AOPEP: variants seen among roughly 807,000 people sequenced by gnomAD.
AOPEP encodes aminopeptidase O.
A neutral mutation model predicts 98.1 loss-of-function variants in AOPEP; 77 were observed. The observed-to-expected ratio is 0.78, with a 90% CI of 0.65 to 0.95. The LOEUF (loss-of-function observed/expected upper bound fraction) is 0.95, where lower values mean the gene tolerates loss of function less well. Among genes scored for constraint, AOPEP ranks in the 40% least tolerant of loss-of-function variants. AOPEP has a pLI of 0.00. For missense variants in AOPEP, 1,024 were observed against 1,024.7 expected, an observed-to-expected ratio of 1.00 and a Z score of 0.01; for synonymous variants, 346 against 365.3, an observed-to-expected ratio of 0.95 and a Z score of 0.60.
intron 13 of AOPEP, among the ~76,000 whole-genome samples, chr9:95,050,964 A>G (rs1487796239): frequency 6.6e-6 from 1 of 152,026 alleles, no homozygotes; most frequent in Non-Finnish European, 1.5e-5. Context: ...GTGTGTCCAT[A>G]CTTGAATCAC....
At chr9:95,120,812 CATT>C in the AOPEP span, among the ~76,000 whole-genome samples, 17 of 152,210 alleles carry the variant, frequency 1.1e-4, no homozygotes, top group African/African-American at 4.1e-4. Context: ...AAATTAATGT[CATT>C]GTTGGTAGTT....
chr9:94,850,843 A>C (rs2043464480), intron 5 of AOPEP, among the ~76,000 whole-genome samples: 1 of 152,182 alleles, frequency 6.6e-6, no homozygotes, highest in South Asian at 2.1e-4. Flanking sequence ...CTTGCCAAAG[A>C]TTGGGTTAGG....
At chr9:94,920,505 C>T (rs1184833348) in intron 5 of AOPEP, among the ~76,000 whole-genome samples, 3 of 152,132 alleles carry the variant, frequency 2.0e-5, no homozygotes, top group African/African-American at 7.2e-5. Flanking sequence ...CCAGGGCCGC[C>T]AAGTGCTGGG....
chr9:95,110,303 T>A, the AOPEP span: 27 of 1,014,536 alleles, frequency 2.7e-5, no homozygotes, highest in Non-Finnish European at 3.1e-5. Flanking sequence ...TGTGATGGAA[T>A]TGAACACATA....
At chr9:95,085,869 C>G in intron 16 of AOPEP, 2 of 1,184,750 alleles carry the variant, frequency 1.7e-6, no homozygotes, top group Non-Finnish European at 1.1e-6. Flanking sequence ...CGGGGCGGGG[C>G]GGGGCTTTCG....
the AOPEP span, among the ~76,000 whole-genome samples, chr9:95,124,581 C>T: frequency 3.7e-3 from 568 of 152,302 alleles, 2 homozygotes; most frequent in African/African-American, 0.013. Flanking sequence ...TCAAGCCTTT[C>T]CCAGTCACTC....
At chr9:94,794,572 T>G (rs558686979) in intron 4 of AOPEP, among the ~76,000 whole-genome samples, 5 of 152,350 alleles carry the variant, frequency 3.3e-5, no homozygotes, top group African/African-American at 1.2e-4. Context: ...CATTTTTCCT[T>G]TTTTGGCAGA....
Position 94,777,624 on chromosome 9 carries a change from TC to T in AOPEP, c.964+4457del, listed in dbSNP as rs1337393204. Among the ~76,000 whole-genome samples, 11 of 135,366 alleles carry T rather than the reference TC, an allele frequency of 8.1e-5. No individual in the cohort carries two copies. In the East Asian group the frequency reaches 2.2e-3, roughly 27 times the overall value. The allele number at this position is 135,366 out of a possible 152,430, so 88.8% of individuals were successfully genotyped here. ...AAGGCTTGTACCTAGAATTATATAA[TC>T]TTTTTTTTTTTTTTTTTTTTTTTTT... On this transcript the variant is annotated intron_variant, in intron 3 of 16. Transcript: ENST00000375315.
chr9:94,783,033 C>G (rs1337805421), intron 3 of AOPEP, among the ~76,000 whole-genome samples: 3 of 152,140 alleles, frequency 2.0e-5, no homozygotes, highest in East Asian at 1.9e-4. Flanking sequence ...GTAAAGCACT[C>G]AAGTTTACCT....
At chr9:94,748,564 C>T (rs1385985865) in intron 1 of AOPEP, among the ~76,000 whole-genome samples, 1 of 151,976 alleles carries the variant, frequency 6.6e-6, no homozygotes, top group Non-Finnish European at 1.5e-5. Context: ...AAAATGTAGC[C>T]CTGGCATAAT....
intron 13 of AOPEP, among the ~76,000 whole-genome samples, chr9:95,044,867 A>G (rs2065694278): frequency 1.3e-5 from 2 of 151,800 alleles, no homozygotes; most frequent in African/African-American, 2.4e-5. Flanking sequence ...GAGAGTGGAG[A>G]GCTTACTTGG....
intron 5 of AOPEP, among the ~76,000 whole-genome samples, chr9:94,822,182 GT>G (rs1303028006): frequency 6.6e-6 from 1 of 152,214 alleles, no homozygotes. Flanking sequence ...CGAGCTGCTG[GT>G]CATTTGTGTC....
intron 13 of AOPEP, among the ~76,000 whole-genome samples, chr9:95,057,392 GCCCGCC>G (rs1196721503): frequency 6.6e-6 from 1 of 152,226 alleles, no homozygotes; most frequent in Non-Finnish European, 1.5e-5. Context: ...CTCCCCCTGT[GCCCGCC>G]CCGGGCTCCT....
At chr9:94,748,334 G>A (rs1834974882) in intron 1 of AOPEP, among the ~76,000 whole-genome samples, 1 of 152,096 alleles carries the variant, frequency 6.6e-6, no homozygotes, top group Non-Finnish European at 1.5e-5. Flanking sequence ...ATAATGATGT[G>A]CCTAGGTATG....
At chr9:94,784,887 G>C (rs934825591) in intron 3 of AOPEP, among the ~76,000 whole-genome samples, 1 of 152,176 alleles carries the variant, frequency 6.6e-6, no homozygotes, top group Non-Finnish European at 1.5e-5. Flanking sequence ...AAAGTGCTGG[G>C]ATTACCGGCG....
At chr9:95,060,544 C>T in intron 13 of AOPEP, 150 bp from the exon 14 acceptor site, 1 of 665,860 alleles carries the variant, frequency 1.5e-6, no homozygotes, top group Non-Finnish European at 2.7e-6. Flanking sequence ...TGAGGAATTA[C>T]AAAAGTCAGC....
intron 14 of AOPEP, among the ~76,000 whole-genome samples, chr9:95,064,721 A>AACAAT (rs2067694496): frequency 6.6e-6 from 1 of 152,248 alleles, no homozygotes; most frequent in Non-Finnish European, 1.5e-5. Context: ...ATTTATTTGC[A>AACAAT]GTCCAAAGGT....
intron 7 of AOPEP, among the ~76,000 whole-genome samples, chr9:94,936,733 C>T (rs746239012): frequency 6.6e-6 from 1 of 152,174 alleles, no homozygotes; most frequent in South Asian, 2.1e-4. Context: ...CTTCCACCTC[C>T]GACACCAGTC....
chr9:95,015,493 C>CA (rs2062901226), intron 13 of AOPEP, among the ~76,000 whole-genome samples: 1 of 152,102 alleles, frequency 6.6e-6, no homozygotes, highest in East Asian at 1.9e-4. Context: ...TCACAACGTA[C>CA]AAAACCCTGA....
Sources: allele counts gnomAD v4.1 joint callset (sites outside exome capture counted in the v4.1 genomes callset), GRCh38; gene constraint gnomAD v4.1.1; transcripts MANE v1.5; gene names NCBI Gene and HGNC (gene_info 2026-07-23, HGNC 2026-07-21).